CFAP61: variants seen among roughly 807,000 people sequenced by gnomAD.
CFAP61 encodes the protein cilia- and flagella-associated protein 61.
A neutral mutation model predicts 135.6 loss-of-function variants in CFAP61; 107 were observed. That is an observed-to-expected ratio of 0.79 (90% CI 0.67 to 0.93). The LOEUF (loss-of-function observed/expected upper bound fraction) is 0.93, where lower values mean the gene tolerates loss of function less well. CFAP61 is among the 40% of genes least tolerant of loss of function. The pLI is 0.00. For missense variants in CFAP61, 1,507 were observed against 1,556.2 expected (o/e 0.97, Z 0.53); for synonymous variants, 575 against 578.5 (o/e 0.99, Z 0.09).
intron 9 of CFAP61, among the ~76,000 whole-genome samples, chr20:20,154,933 T>A (rs922796666): frequency 6.6e-6 from 1 of 151,840 alleles, no homozygotes; most frequent in African/African-American, 2.4e-5. Context: ...ATCCAAAAAT[T>A]CATATGGAGC....
intron 25 of CFAP61, among the ~76,000 whole-genome samples, chr20:20,337,258 TGGAC>T (rs2058230555): frequency 2.1e-5 from 3 of 145,112 alleles, no homozygotes; most frequent in East Asian, 2.0e-4. Flanking sequence ...GATGGATGGA[TGGAC>T]AGAATGGGTG....
rs1170915612 is a variant in CFAP61 at position 20,298,164 on chromosome 20, C to T, written c.3217-17C>T. 1 of 1,578,434 alleles carries T rather than the reference C, an allele frequency of 6.3e-7. No homozygotes were observed. The highest frequency in any genetic ancestry group is 8.7e-7 in the Non-Finnish European group (1 of 1,147,880). On this transcript the variant is annotated splice_polypyrimidine_tract_variant and intron_variant, in intron 24 of 26. Transcript: ENST00000245957. ...ATGTTTCTAATGTTGTTTTTCTTGT[C>T]CACATCCCTCCTCCAGGGTTTAGAA... is the stretch of plus-strand genomic sequence containing the variant.
At chr20:20,144,711 G>C (rs1479627916) in intron 9 of CFAP61, among the ~76,000 whole-genome samples, 1 of 151,880 alleles carries the variant, frequency 6.6e-6, no homozygotes, top group Admixed American at 6.6e-5. Flanking sequence ...AGAACATAAA[G>C]AAAACTATAC....
intron 2 of CFAP61, among the ~76,000 whole-genome samples, chr20:20,060,020 A>G (rs1289795114): frequency 6.6e-6 from 1 of 152,156 alleles, no homozygotes; most frequent in Non-Finnish European, 1.5e-5. Flanking sequence ...AACTGTACCC[A>G]TCATAATGAA....
chr20:20,294,700 G>A (rs113691297), intron 24 of CFAP61, among the ~76,000 whole-genome samples: 2,494 of 151,744 alleles, frequency 0.016, 31 homozygotes, highest in South Asian at 0.035. Context: ...AGGCCGAGGC[G>A]GGTGGATCAT....
chr20:20,175,483 TTTTTG>T lies in CFAP61; in HGVS notation c.1385+6028_1385+6032del, dbSNP rs879806884. On this transcript the variant is annotated intron_variant, in intron 13 of 26. Coordinates refer to ENST00000245957, the MANE Select transcript of CFAP61 (RefSeq NM_015585.4). ...AGCACTGTAGGGGCTTCTGGTTTTT[TTTTTG>T]TTTTTGTTTTGTTTTGTTTTGTTTT... is the stretch of plus-strand genomic sequence containing the variant. 1.9e-3 allele frequency among the ~76,000 whole-genome samples: 281 copies of T among 144,376 alleles called. 3 individuals are homozygous for T. Among genetic ancestry groups the T allele is most frequent in the African/African-American group, 6.0e-3 (228 of 37,966 alleles). The allele number at this position is 144,376 out of a possible 152,430, so 94.7% of individuals were successfully genotyped here.
At chr20:20,277,564 G>A (rs1321527023) in intron 22 of CFAP61, 106 bp downstream of exon 22, 20 of 1,237,126 alleles carry the variant, frequency 1.6e-5, no homozygotes, top group Non-Finnish European at 2.2e-5. Context: ...AGTACCAGAT[G>A]TTGGATTTTG....
At chr20:20,222,497 C>G (rs969635018) in intron 17 of CFAP61, among the ~76,000 whole-genome samples, 2 of 152,076 alleles carry the variant, frequency 1.3e-5, no homozygotes, top group African/African-American at 4.8e-5. Flanking sequence ...ACACTTTTTC[C>G]GAAGTGCTGG....
At chr20:20,097,250 G>A (rs1022693317) in intron 7 of CFAP61, among the ~76,000 whole-genome samples, 1 of 152,092 alleles carries the variant, frequency 6.6e-6, no homozygotes, top group African/African-American at 2.4e-5. Flanking sequence ...ATTGAGTTCT[G>A]CTACTTTCTG....
At chr20:20,058,667 A>G (rs1221387171) in intron 2 of CFAP61, among the ~76,000 whole-genome samples, 1 of 152,256 alleles carries the variant, frequency 6.6e-6, no homozygotes, top group Non-Finnish European at 1.5e-5. Flanking sequence ...CTGAGAATTC[A>G]TAAGCACACA....
chr20:20,217,821 CTG>C (rs2048137853), intron 17 of CFAP61, among the ~76,000 whole-genome samples: 1 of 152,216 alleles, frequency 6.6e-6, no homozygotes, highest in Non-Finnish European at 1.5e-5. Context: ...GTGTCTCCCT[CTG>C]TGTCTGCTTC....
chr20:20,329,274 T>G (rs572874756), intron 25 of CFAP61, among the ~76,000 whole-genome samples: 5 of 152,286 alleles, frequency 3.3e-5, no homozygotes, highest in Admixed American at 3.3e-4. Context: ...TCTGGCCAAC[T>G]GGACATTCCC....
At chr20:20,185,508 G>C (rs1432129400) in intron 13 of CFAP61, among the ~76,000 whole-genome samples, 2 of 152,186 alleles carry the variant, frequency 1.3e-5, no homozygotes, top group Non-Finnish European at 2.9e-5. Flanking sequence ...AACAGATGAG[G>C]CCAAAGGTCT....
intron 13 of CFAP61, among the ~76,000 whole-genome samples, chr20:20,185,984 T>G (rs561288294): frequency 6.6e-6 from 1 of 152,342 alleles, no homozygotes; most frequent in East Asian, 1.9e-4. Flanking sequence ...TTTCAATTAT[T>G]TTGGCATTAC....
At chr20:20,340,409 TGA>T (rs2058394964) in intron 25 of CFAP61, among the ~76,000 whole-genome samples, 1 of 151,888 alleles carries the variant, frequency 6.6e-6, no homozygotes, top group Admixed American at 6.6e-5. Flanking sequence ...TTTAGGGCAG[TGA>T]CGCTCTTCTG....
At chr20:20,182,941 C>T (rs1206497407) in intron 13 of CFAP61, among the ~76,000 whole-genome samples, 1 of 152,196 alleles carries the variant, frequency 6.6e-6, no homozygotes, top group African/African-American at 2.4e-5. Context: ...GAATCCACAC[C>T]TCTTCCACCC....
At chr20:20,072,291 A>AT (rs1366803730) in intron 3 of CFAP61, among the ~76,000 whole-genome samples, 1 of 150,760 alleles carries the variant, frequency 6.6e-6, no homozygotes, top group East Asian at 1.9e-4. Flanking sequence ...ATTTTTTTGT[A>AT]TTTTTAGTAG....
chr20:20,333,553 G>A (rs1360397894), intron 25 of CFAP61, among the ~76,000 whole-genome samples: 3 of 152,232 alleles, frequency 2.0e-5, no homozygotes, highest in African/African-American at 4.8e-5. Flanking sequence ...CACCAACTCA[G>A]CCCATATGTG....
chr20:20,277,364 C>G lies in CFAP61; in HGVS notation c.2702C>G (p.Ala901Gly). Residue 901 changes from alanine (A) to glycine (G), a missense_variant, in exon 22 of 27, where the codon GCG becomes GGG. Coordinates refer to ENST00000245957, the MANE Select transcript of CFAP61 (RefSeq NM_015585.4). ...GAAGVTMYRD[A>G]ILAQWNDGLH... ...GCCGGAGTCACTATGTACCGGGATGCGATCCTGGCCCAGTGGAATGACGGC... is the reference window on the plus strand; with the variant it reads ...GCCGGAGTCACTATGTACCGGGATGGGATCCTGGCCCAGTGGAATGACGGC... 1 of 1,614,152 alleles carries G rather than the reference C, an allele frequency of 6.2e-7. No homozygotes were observed. The highest frequency in any genetic ancestry group is 8.5e-7 in the Non-Finnish European group (1 of 1,180,018).
Sources: allele counts gnomAD v4.1 joint callset (sites outside exome capture counted in the v4.1 genomes callset), GRCh38; gene constraint gnomAD v4.1.1; transcripts MANE v1.5; gene names NCBI Gene and HGNC (gene_info 2026-07-23, HGNC 2026-07-21).